ROBO2: variants seen among roughly 807,000 people sequenced by gnomAD.
ROBO2 encodes the protein roundabout homolog 2.
ROBO2 carries 53 observed loss-of-function variants against 160.8 expected under a neutral mutation model. The observed-to-expected ratio is 0.33, with a 90% CI of 0.26 to 0.41. The LOEUF (loss-of-function observed/expected upper bound fraction) is 0.41. Among genes scored for constraint, ROBO2 ranks in the 10% least tolerant of loss-of-function variants. The pLI is 1.00. For missense variants in ROBO2, 1,577 were observed against 1,722.4 expected (o/e 0.92, Z 1.49); for synonymous variants, 664 against 611.7 (o/e 1.09, Z -1.26).
chr3:77,505,050 A>G (rs974032498), intron 5 of ROBO2, among the ~76,000 whole-genome samples: 10 of 152,252 alleles, frequency 6.6e-5, no homozygotes, highest in African/African-American at 2.4e-4. Flanking sequence ...TTAAGGCCAC[A>G]AAGGTTAGTT....
At chr3:77,609,136 T>C (rs1326290974) in intron 21 of ROBO2, among the ~76,000 whole-genome samples, 1 of 151,966 alleles carries the variant, frequency 6.6e-6, no homozygotes, top group African/African-American at 2.4e-5. Context: ...TATGTCTTCC[T>C]TTCCCTCCAA....
intron 2 of ROBO2, among the ~76,000 whole-genome samples, chr3:76,532,442 T>C (rs2082279418): frequency 6.6e-6 from 1 of 152,204 alleles, no homozygotes; most frequent in African/African-American, 2.4e-5. Flanking sequence ...ATATTATGAT[T>C]GTAAATGTTT....
chr3:76,372,490 T>C (rs971740145), intron 2 of ROBO2, among the ~76,000 whole-genome samples: 2 of 151,976 alleles, frequency 1.3e-5, no homozygotes, highest in Non-Finnish European at 2.9e-5. Flanking sequence ...GTAAAATATT[T>C]GACGTCTCCA....
intron 2 of ROBO2, among the ~76,000 whole-genome samples, chr3:76,100,750 CAGAA>C (rs751331943): frequency 5.9e-5 from 9 of 152,106 alleles, no homozygotes; most frequent in Middle Eastern, 3.2e-3. Context: ...ACTTGTAACT[CAGAA>C]AGATAAGAGC....
chr3:77,472,740 T>G (rs2083484248), intron 2 of ROBO2, among the ~76,000 whole-genome samples: 1 of 152,174 alleles, frequency 6.6e-6, no homozygotes, highest in Admixed American at 6.5e-5. Flanking sequence ...AAAATTCTAT[T>G]TTTATTTGAC....
At chr3:76,337,935 G>A (rs34384678) in intron 2 of ROBO2, among the ~76,000 whole-genome samples, 7,028 of 152,102 alleles carry the variant, frequency 0.046, 257 homozygotes, top group Non-Finnish European at 0.068. Flanking sequence ...TGAAACCCCC[G>A]TGGTAAAACT....
At chr3:77,213,792 T>G (rs992161771) in intron 2 of ROBO2, among the ~76,000 whole-genome samples, 2 of 152,192 alleles carry the variant, frequency 1.3e-5, no homozygotes, top group African/African-American at 4.8e-5. Flanking sequence ...TTGTTCTCGT[T>G]GGTTTCAAAG....
intron 2 of ROBO2, among the ~76,000 whole-genome samples, chr3:76,776,455 G>A (rs1481824932): frequency 6.6e-6 from 1 of 150,828 alleles, no homozygotes; most frequent in Admixed American, 6.6e-5. Flanking sequence ...CAACTAAAAG[G>A]AAGATTGGTA....
At chr3:76,633,207 GA>G (rs1359856200) in intron 2 of ROBO2, among the ~76,000 whole-genome samples, 1 of 152,064 alleles carries the variant, frequency 6.6e-6, no homozygotes, top group African/African-American at 2.4e-5. Context: ...AAAGAAAGAT[GA>G]TTTATAAAAC....
intron 1 of ROBO2, among the ~76,000 whole-genome samples, chr3:77,093,921 A>G (rs757452406): frequency 6.6e-6 from 1 of 152,210 alleles, no homozygotes; most frequent in Non-Finnish European, 1.5e-5. Context: ...ACAAATTGTT[A>G]CACACCTTTT....
intron 20 of ROBO2, among the ~76,000 whole-genome samples, chr3:77,607,188 A>C (rs2094542265): frequency 1.3e-5 from 2 of 152,312 alleles, no homozygotes; most frequent in Admixed American, 6.5e-5. Context: ...TGTTATGCTT[A>C]AAATAGCTAA....
At chr3:76,363,735 A>G (rs1051372736) in intron 2 of ROBO2, among the ~76,000 whole-genome samples, 11 of 152,236 alleles carry the variant, frequency 7.2e-5, no homozygotes, top group Non-Finnish European at 1.6e-4. Flanking sequence ...AAGGCTCAGA[A>G]TGATCTGTAA....
At chr3:77,375,865 G>T (rs930056622) in intron 2 of ROBO2, among the ~76,000 whole-genome samples, 1 of 149,256 alleles carries the variant, frequency 6.7e-6, no homozygotes, top group South Asian at 2.1e-4. Flanking sequence ...TAGTACTGAA[G>T]TGCTCAGTAG....
chr3:77,236,805 C>G (rs1364645239), intron 2 of ROBO2, among the ~76,000 whole-genome samples: 1 of 152,240 alleles, frequency 6.6e-6, no homozygotes, highest in East Asian at 1.9e-4. Context: ...TATAGGGTAG[C>G]CTTTTCAGAT....
intron 1 of ROBO2, among the ~76,000 whole-genome samples, chr3:77,064,835 G>A (rs1358137842): frequency 6.6e-6 from 1 of 152,110 alleles, no homozygotes; most frequent in Non-Finnish European, 1.5e-5. Context: ...TATTTTCTAT[G>A]ACAAGATATT....
At chr3:77,156,170 A>G (rs1192095332) in intron 2 of ROBO2, among the ~76,000 whole-genome samples, 5 of 151,938 alleles carry the variant, frequency 3.3e-5, no homozygotes, top group African/African-American at 7.2e-5. Context: ...ACTGGGCACC[A>G]TTCTCCTTCT....
In ROBO2 at chr3:76,997,768, G is replaced by A. The variant is rs191464274; in HGVS notation, c.110-100246G>A. On this transcript the variant is annotated intron_variant, in intron 2 of 26. Coordinates refer to the ROBO2 transcript ENST00000487694. ...ATAAGTATTGACAACAAAACAAAACGATTTTATTTTGCTTACGAAGCTGTG... is the reference window on the plus strand; with the variant it reads ...ATAAGTATTGACAACAAAACAAAACAATTTTATTTTGCTTACGAAGCTGTG... 1.1e-3 allele frequency among the ~76,000 whole-genome samples: 172 copies of A among 152,218 alleles called. 1 individual carries two copies. The highest frequency in any genetic ancestry group is 4.1e-3 in the African/African-American group (170 of 41,544).
intron 2 of ROBO2, among the ~76,000 whole-genome samples, chr3:76,871,605 A>G (rs1390544048): frequency 1.3e-5 from 2 of 152,198 alleles, no homozygotes; most frequent in Non-Finnish European, 2.9e-5. Flanking sequence ...TAAACTTCCA[A>G]TCAACCATTG....
intron 2 of ROBO2, among the ~76,000 whole-genome samples, chr3:76,031,866 G>A (rs2066933005): frequency 6.6e-6 from 1 of 152,090 alleles, no homozygotes; most frequent in Admixed American, 6.5e-5. Flanking sequence ...GTATCAGGAT[G>A]ATACTGGCCT....
Sources: gnomAD v4.1 joint callset for allele counts (sites outside exome capture counted in the v4.1 genomes callset) on GRCh38, gnomAD v4.1.1 for gene constraint, MANE v1.5 for transcripts, NCBI Gene and HGNC (gene_info 2026-07-23, HGNC 2026-07-21) for gene names.